CENPP: variants seen among roughly 807,000 people sequenced by gnomAD.
CENPP encodes centromere protein P.
CENPP carries 24 observed loss-of-function variants against 35.6 expected under a neutral mutation model. The ratio of observed to expected loss-of-function variants is 0.67; its 90% confidence interval spans 0.49 to 0.95. The LOEUF (loss-of-function observed/expected upper bound fraction) is 0.95. CENPP is among the 40% of genes least tolerant of loss of function. The pLI is 0.00. For synonymous variants in CENPP, 120 were observed against 125.5 expected, an observed-to-expected ratio of 0.96 and a Z score of 0.29; for missense variants, 332 against 345.3, an observed-to-expected ratio of 0.96 and a Z score of 0.31.
At chr9:92,454,463 G>A (rs7037194) in intron 5 of CENPP, among the ~76,000 whole-genome samples, 61,540 of 152,026 alleles carry the variant, frequency 0.4, 14,549 homozygotes, top group African/African-American at 0.65. Context: ...TTCAATGTCA[G>A]TAAACATTTT....
At chr9:92,486,672 C>T (rs1012568943) in intron 5 of CENPP, among the ~76,000 whole-genome samples, 1 of 152,004 alleles carries the variant, frequency 6.6e-6, no homozygotes, top group Non-Finnish European at 1.5e-5. Flanking sequence ...CTTGAAGTTT[C>T]TAGTTCTGAA....
chr9:92,507,822 C>T (rs1054880027), intron 5 of CENPP, among the ~76,000 whole-genome samples: 4 of 152,294 alleles, frequency 2.6e-5, no homozygotes, highest in African/African-American at 7.2e-5. Context: ...CTCCATAACA[C>T]GTGTGCACAT....
intron 5 of CENPP, among the ~76,000 whole-genome samples, chr9:92,584,349 A>ATGTT (rs35037233): frequency 3.3e-5 from 5 of 151,426 alleles, no homozygotes; most frequent in South Asian, 2.1e-4. Flanking sequence ...TATTGTTTCT[A>ATGTT]TGTTTGTTTG....
chr9:92,517,775 A>AACTCTTCC, intron 5 of CENPP: 1 of 1,614,208 alleles, frequency 6.2e-7, no homozygotes, highest in Non-Finnish European at 8.5e-7. Flanking sequence ...CATCACAAAG[A>AACTCTTCC]ACTCTTCCAT....
At chr9:92,579,680 A>G (rs1850370758) in intron 5 of CENPP, among the ~76,000 whole-genome samples, 1 of 149,280 alleles carries the variant, frequency 6.7e-6, no homozygotes, top group Non-Finnish European at 1.5e-5. Context: ...GAAGTTGCTT[A>G]TCAGCTTAAG....
At chr9:92,424,059 A>C (rs1226560094) in intron 5 of CENPP, 1 of 152,224 alleles carries the variant, frequency 6.6e-6, no homozygotes, top group Non-Finnish European at 1.5e-5. Flanking sequence ...GTTTAACATA[A>C]CTTTTTTACC....
chr9:92,588,423 A>ATT (rs879371310), intron 5 of CENPP, among the ~76,000 whole-genome samples: 1 of 143,162 alleles, frequency 7.0e-6, no homozygotes, highest in East Asian at 2.1e-4. Context: ...AATTTTTTGT[A>ATT]TTTTTTTTTT....
chr9:92,344,655 C>A (rs1418714035), intron 3 of CENPP, among the ~76,000 whole-genome samples: 1 of 151,820 alleles, frequency 6.6e-6, no homozygotes, highest in Non-Finnish European at 1.5e-5. Context: ...TCAAGCGATT[C>A]TCCTGCCTCA....
chr9:92,337,997 A>G (rs1384855733), intron 3 of CENPP, among the ~76,000 whole-genome samples: 1 of 152,176 alleles, frequency 6.6e-6, no homozygotes, highest in Non-Finnish European at 1.5e-5. Flanking sequence ...ACCAGTCTCC[A>G]TAATATTTAG....
chr9:92,612,943 T>C, intron 7 of CENPP, 76 bp from the exon 8 acceptor site: 1 of 1,569,272 alleles, frequency 6.4e-7, no homozygotes, highest in African/African-American at 1.4e-5. Flanking sequence ...CTTGGTGAGG[T>C]CCATGCCAGC....
At chr9:92,552,464 G>C (rs1178919133) in intron 5 of CENPP, among the ~76,000 whole-genome samples, 2 of 152,132 alleles carry the variant, frequency 1.3e-5, no homozygotes, top group Non-Finnish European at 2.9e-5. Flanking sequence ...CCCACCAGCA[G>C]TGTAGAAGTG....
chr9:92,570,927 C>T (rs1337033643), intron 5 of CENPP, among the ~76,000 whole-genome samples: 38 of 147,886 alleles, frequency 2.6e-4, no homozygotes, highest in East Asian at 8.0e-4. Context: ...TGGTGATATC[C>T]CCTTTATCAT....
At chr9:92,603,649 C>CTA (rs1850990530) in intron 5 of CENPP, among the ~76,000 whole-genome samples, 1 of 152,170 alleles carries the variant, frequency 6.6e-6, no homozygotes, top group Non-Finnish European at 1.5e-5. Context: ...ACCTCTCCTG[C>CTA]CTTACCTCAC....
At position 92,532,702 on chromosome 9, in the gene CENPP, T is replaced by C. The variant is rs571272731; in HGVS notation, c.565-78612T>C. On this transcript the variant is annotated intron_variant, in intron 5 of 7. Transcript: ENST00000375587. ...TCAGTATGTTCTTTTTGTTTCCAAT[T>C]CTTTGTTAAAAATTTTAATCTCATC... Among the ~76,000 whole-genome samples the C allele has an allele frequency of 5.1e-4, 78 of 152,316 alleles. 1 individual carries two copies. The Middle Eastern group carries it at 0.014, about 27-fold the overall frequency.
intron 5 of CENPP, chr9:92,514,899 G>A (rs1847598554): frequency 1.9e-6 from 3 of 1,613,168 alleles, no homozygotes; most frequent in South Asian, 1.1e-5. Flanking sequence ...GTTGTTGCTG[G>A]TGTGCCAGCC....
At chr9:92,329,552 TGA>T (rs1438682157) in intron 1 of CENPP, among the ~76,000 whole-genome samples, 1 of 152,158 alleles carries the variant, frequency 6.6e-6, no homozygotes, top group Admixed American at 6.5e-5. Flanking sequence ...TTTTGTTTTT[TGA>T]GAGAGGGTCT....
intron 5 of CENPP, among the ~76,000 whole-genome samples, chr9:92,388,665 C>G (rs1463402529): frequency 6.6e-6 from 1 of 151,754 alleles, no homozygotes; most frequent in Non-Finnish European, 1.5e-5. Context: ...ACACCCATCT[C>G]TACTAAAAGT....
chr9:92,471,618 T>C (rs1336573789), intron 5 of CENPP, among the ~76,000 whole-genome samples: 1 of 152,144 alleles, frequency 6.6e-6, no homozygotes, highest in Non-Finnish European at 1.5e-5. Context: ...ACTTCTCTAA[T>C]TAGTTGTAAA....
intron 1 of CENPP, 56 bp from the exon 2 acceptor site, chr9:92,332,114 T>C (rs1840767451): frequency 1.7e-6 from 2 of 1,181,282 alleles, no homozygotes; most frequent in Admixed American, 4.8e-5. Flanking sequence ...AATGGGGTTA[T>C]TAGATGAAAC....
Sources: gnomAD v4.1 joint callset for allele counts (sites outside exome capture counted in the v4.1 genomes callset) on GRCh38, gnomAD v4.1.1 for gene constraint, MANE v1.5 for transcripts, NCBI Gene and HGNC (gene_info 2026-07-23, HGNC 2026-07-21) for gene names.